ADK: variants seen among roughly 807,000 people sequenced by gnomAD.
The protein encoded by ADK is adenosine kinase, also known as N6,N6-dimethyladenosine kinase.
ADK carries 24 observed loss-of-function variants against 44.7 expected under a neutral mutation model. The observed-to-expected ratio is 0.54, with a 90% CI of 0.39 to 0.76. The LOEUF (loss-of-function observed/expected upper bound fraction) is 0.76, where lower values mean the gene tolerates loss of function less well. ADK is among the 30% of genes least tolerant of loss of function. The pLI, the probability that ADK is intolerant of heterozygous loss-of-function variation, is 0.00. For synonymous variants in ADK, 128 were observed against 142.6 expected, an observed-to-expected ratio of 0.90 and a Z score of 0.73; for missense variants, 321 against 425.1, an observed-to-expected ratio of 0.76 and a Z score of 2.15.
intron 6 of ADK, among the ~76,000 whole-genome samples, chr10:74,480,051 A>G (rs1231363166): frequency 6.6e-6 from 1 of 152,096 alleles, no homozygotes; most frequent in Non-Finnish European, 1.5e-5. Context: ...GTATGTGTAC[A>G]GTATCCTCTG....
intron 6 of ADK, among the ~76,000 whole-genome samples, chr10:74,424,510 G>A (rs1386522174): frequency 3.4e-5 from 4 of 117,798 alleles, no homozygotes; most frequent in Non-Finnish European, 6.4e-5. Flanking sequence ...ACTCCAGCCT[G>A]GGCAACAAGA....
At chr10:74,403,451 C>T (rs1843787714) in intron 6 of ADK, among the ~76,000 whole-genome samples, 1 of 152,146 alleles carries the variant, frequency 6.6e-6, no homozygotes. Context: ...TGGCGGGCAC[C>T]CCTCCCCCAG....
intron 1 of ADK, among the ~76,000 whole-genome samples, chr10:74,199,809 A>G (rs1240672424): frequency 4.6e-5 from 7 of 151,928 alleles, no homozygotes; most frequent in African/African-American, 1.7e-4. Context: ...CCTCCTGAGT[A>G]GCTGGGACTA....
chr10:74,313,179 A>G (rs1840503343), intron 3 of ADK, among the ~76,000 whole-genome samples: 1 of 152,040 alleles, frequency 6.6e-6, no homozygotes, highest in Admixed American at 6.5e-5. Context: ...TTAACATTTG[A>G]GATATTTATG....
chr10:74,226,515 T>C (rs531516980), intron 3 of ADK, among the ~76,000 whole-genome samples: 1 of 152,376 alleles, frequency 6.6e-6, no homozygotes, highest in South Asian at 2.1e-4. Context: ...TTTATCTATT[T>C]ATTCTTCTGT....
chr10:74,314,831 T>G lies in ADK; in HGVS notation c.273+86T>G, dbSNP rs1433491604. 52 of 1,007,282 alleles carry G rather than the reference T, an allele frequency of 5.2e-5. No homozygotes were observed. The Admixed American group carries it at 9.2e-4, about 18-fold the overall frequency. 62.4% of individuals were successfully genotyped at this position (1,007,282 alleles called of 1,614,324 possible). Reference sequence around the variant, plus strand: ...TGCATAATTGTTTCCTTTTATATTGTGTTGCTGTAGAATAGTTTTGTTCAT... The same window carrying G: ...TGCATAATTGTTTCCTTTTATATTGGGTTGCTGTAGAATAGTTTTGTTCAT... On this transcript the variant is annotated intron_variant, in intron 4 of 10. Coordinates refer to ENST00000539909, the MANE Select transcript of ADK (RefSeq NM_006721.4).
intron 10 of ADK, among the ~76,000 whole-genome samples, chr10:74,699,029 T>A (rs907877410): frequency 6.6e-6 from 1 of 151,076 alleles, no homozygotes; most frequent in African/African-American, 2.4e-5. Flanking sequence ...TTTTTTTTTT[T>A]ATGTAGAGAC....
At chr10:74,553,347 C>T (rs911016994) in intron 7 of ADK, among the ~76,000 whole-genome samples, 4 of 151,698 alleles carry the variant, frequency 2.6e-5, no homozygotes, top group Non-Finnish European at 2.9e-5. Flanking sequence ...ACTAGAGGCA[C>T]GCACCACGAC....
chr10:74,514,506 C>T (rs1415711839), intron 6 of ADK, among the ~76,000 whole-genome samples: 1 of 151,378 alleles, frequency 6.6e-6, no homozygotes, highest in Non-Finnish European at 1.5e-5. Flanking sequence ...TCTTCAAGTT[C>T]AGAAATTCTT....
chr10:74,498,966 T>C (rs1847792261), intron 6 of ADK, among the ~76,000 whole-genome samples: 1 of 152,174 alleles, frequency 6.6e-6, no homozygotes, highest in South Asian at 2.1e-4. Context: ...GACAAAAAAC[T>C]CTACATTTTA....
At chr10:74,318,506 TAA>T (rs1271648194) in intron 4 of ADK, among the ~76,000 whole-genome samples, 1 of 152,174 alleles carries the variant, frequency 6.6e-6, no homozygotes, top group African/African-American at 2.4e-5. Context: ...AGAACTCAAG[TAA>T]AAAAGTCACA....
At chr10:74,562,255 A>G (rs905038166) in intron 7 of ADK, among the ~76,000 whole-genome samples, 7 of 152,168 alleles carry the variant, frequency 4.6e-5, no homozygotes, top group African/African-American at 1.7e-4. Context: ...TAGATGCTTA[A>G]TAAATGCCTT....
chr10:74,459,727 C>CAAAAA (rs986375076), intron 6 of ADK, among the ~76,000 whole-genome samples: 14 of 42,620 alleles, frequency 3.3e-4, no homozygotes, highest in Middle Eastern at 0.013. Flanking sequence ...GACTCCATCT[C>CAAAAA]AAAAAAAAAA....
At chr10:74,431,821 A>G (rs1364342033) in intron 6 of ADK, among the ~76,000 whole-genome samples, 1 of 152,074 alleles carries the variant, frequency 6.6e-6, no homozygotes, top group African/African-American at 2.4e-5. Context: ...CAGTCAATCA[A>G]TAAGATACAT....
At chr10:74,641,135 G>T (rs1853826500) in intron 9 of ADK, among the ~76,000 whole-genome samples, 1 of 152,124 alleles carries the variant, frequency 6.6e-6, no homozygotes, top group Non-Finnish European at 1.5e-5. Context: ...AGTCTCAAGG[G>T]CTTGTTCATT....
chr10:74,682,828 C>T (rs956503638), intron 10 of ADK, among the ~76,000 whole-genome samples: 6 of 152,144 alleles, frequency 3.9e-5, no homozygotes, highest in African/African-American at 1.4e-4. Context: ...CCCGCCTTGG[C>T]CTCCCAAAGT....
chr10:74,355,165 T>C (rs898900725), intron 4 of ADK, among the ~76,000 whole-genome samples: 1 of 152,214 alleles, frequency 6.6e-6, no homozygotes, highest in Non-Finnish European at 1.5e-5. Context: ...AGTTTATTAT[T>C]TGGCTAAGCT....
chr10:74,620,829 A>T (rs1475466220), intron 9 of ADK, among the ~76,000 whole-genome samples: 1 of 151,744 alleles, frequency 6.6e-6, no homozygotes, highest in Non-Finnish European at 1.5e-5. Context: ...GGCCATTTAT[A>T]TATCTTCTTT....
At chr10:74,321,640 C>T (rs1840811779) in intron 4 of ADK, among the ~76,000 whole-genome samples, 1 of 152,152 alleles carries the variant, frequency 6.6e-6, no homozygotes, top group Non-Finnish European at 1.5e-5. Flanking sequence ...TTTTTCATGT[C>T]TCTTCCAATT....
Sources: allele counts gnomAD v4.1 joint callset (sites outside exome capture counted in the v4.1 genomes callset), GRCh38; gene constraint gnomAD v4.1.1; transcripts MANE v1.5; gene names NCBI Gene and HGNC (gene_info 2026-07-23, HGNC 2026-07-21).